Variants in NR6A1 observed in about 807,000 individuals in gnomAD.
The protein encoded by NR6A1 is retinoic acid receptor-related testis-associated receptor.
In NR6A1, 7 loss-of-function variants were observed where a neutral mutation model predicts 59.1. The observed-to-expected ratio is 0.12, with a 90% CI of 0.07 to 0.22. The LOEUF is 0.22. Ranked by LOEUF, NR6A1 falls within the 10% of genes least tolerant of loss-of-function variation. NR6A1 has a pLI of 1.00. For missense variants in NR6A1, 468 were observed against 611.6 expected, an observed-to-expected ratio of 0.77 and a Z score of 2.48; for synonymous variants, 243 against 236.1, an observed-to-expected ratio of 1.03 and a Z score of -0.27.
At chr9:124,526,723 G>GCTCA in intron 8 of NR6A1, 56 bp downstream of exon 8, 1 of 1,602,692 alleles carries the variant, frequency 6.2e-7, no homozygotes, top group Middle Eastern at 1.7e-4. Flanking sequence ...GAGGGCAAAT[G>GCTCA]CTCACTGCCT....
intron 2 of NR6A1, among the ~76,000 whole-genome samples, chr9:124,673,964 C>T (rs963607750): frequency 1.3e-5 from 2 of 152,176 alleles, no homozygotes; most frequent in Admixed American, 1.3e-4. Flanking sequence ...TAATTAAGAT[C>T]TTGGCATCTG....
At chr9:124,655,145 G>A (rs1275242289) in intron 2 of NR6A1, among the ~76,000 whole-genome samples, 1 of 152,160 alleles carries the variant, frequency 6.6e-6, no homozygotes, top group Non-Finnish European at 1.5e-5. Context: ...CATATCAGAA[G>A]GGTATAGTTC....
chr9:124,721,971 T>C (rs185547086), intron 2 of NR6A1, among the ~76,000 whole-genome samples: 25 of 152,350 alleles, frequency 1.6e-4, no homozygotes, highest in Non-Finnish European at 2.5e-4. Flanking sequence ...GGGGATTGTA[T>C]CTTTTTAAAC....
intron 2 of NR6A1, among the ~76,000 whole-genome samples, chr9:124,575,839 T>C (rs541292656): frequency 3.9e-5 from 6 of 152,324 alleles, no homozygotes; most frequent in African/African-American, 1.2e-4. Context: ...ATTATTATTA[T>C]TGATATCATA....
At chr9:124,523,515 T>C (rs1287125622) in intron 9 of NR6A1, among the ~76,000 whole-genome samples, 2 of 149,190 alleles carry the variant, frequency 1.3e-5, no homozygotes, top group African/African-American at 2.6e-5. Context: ...AACTCAAACA[T>C]TGATTTTTTT....
At chr9:124,731,024 C>CT (rs1196954783) in intron 2 of NR6A1, among the ~76,000 whole-genome samples, 7 of 152,060 alleles carry the variant, frequency 4.6e-5, no homozygotes. Flanking sequence ...GTGTAGTTGT[C>CT]TGAAAGGTTA....
At chr9:124,658,436 G>C (rs1837326708) in intron 2 of NR6A1, 1 of 152,224 alleles carries the variant, frequency 6.6e-6, no homozygotes, top group Non-Finnish European at 1.5e-5. Flanking sequence ...TGAGCAGACA[G>C]GGCTGCAAGG....
chr9:124,559,249 C>A (rs949600509), intron 2 of NR6A1, among the ~76,000 whole-genome samples: 4 of 152,142 alleles, frequency 2.6e-5, no homozygotes, highest in Non-Finnish European at 4.4e-5. Flanking sequence ...CCACAATGTT[C>A]CAAGACAAAG....
chr9:124,686,229 T>C (rs958830291), intron 2 of NR6A1, among the ~76,000 whole-genome samples: 4 of 152,154 alleles, frequency 2.6e-5, no homozygotes, highest in Admixed American at 1.3e-4. Context: ...GAGGAAGAAA[T>C]AGTCTTATAT....
intron 1 of NR6A1, among the ~76,000 whole-genome samples, chr9:124,747,763 C>T (rs1286470665): frequency 6.6e-6 from 1 of 152,128 alleles, no homozygotes; most frequent in Non-Finnish European, 1.5e-5. Context: ...CCAACAGTCC[C>T]CTCGAATAAT....
At position 124,520,853 on chromosome 9, in the gene NR6A1, T is replaced by A. The variant is rs1350625341; in HGVS notation, c.*1852A>T. The A allele has an allele frequency of 6.6e-6, 1 of 152,202 alleles. No individual in the cohort carries two copies. Among genetic ancestry groups the A allele is most frequent in the African/African-American group, 2.4e-5 (1 of 41,436 alleles). 9.4% of individuals were successfully genotyped at this position (152,202 alleles called of 1,614,324 possible). A position where few individuals can be genotyped will look rare whatever the true frequency, so the allele number is the denominator to read the frequency against. ...GCTGGAGCTTTTCCTGAGGAACATG[T>A]CTCTTCCTTCTCAGAGCAACTGGGG... On this transcript the variant is annotated 3_prime_UTR_variant, in exon 10 of 10. Transcript: ENST00000487099.
At chr9:124,633,717 C>G (rs1031002580) in intron 2 of NR6A1, among the ~76,000 whole-genome samples, 1 of 152,110 alleles carries the variant, frequency 6.6e-6, no homozygotes, top group Admixed American at 6.5e-5. Context: ...TACAAAGCTC[C>G]AATTGCCCCA....
At chr9:124,611,753 G>GAC (rs1835751834) in intron 2 of NR6A1, among the ~76,000 whole-genome samples, 2 of 93,678 alleles carry the variant, frequency 2.1e-5, no homozygotes, top group Non-Finnish European at 4.0e-5. Context: ...CTGTCTTAGA[G>GAC]AGAGAGAGAG....
Position 124,633,644 on chromosome 9 carries a change from T to C in NR6A1, c.143-79074A>G, listed in dbSNP as rs55892585. On this transcript the variant is annotated intron_variant, in intron 2 of 9. Coordinates refer to ENST00000487099, the MANE Select transcript of NR6A1 (RefSeq NM_033334.4). ...ATTCTAGGTCCTCAATGACATCCAA[T>C]TCTAAGCCCCAGGATCATCCTAAAT... Among the ~76,000 whole-genome samples, 685 of 152,268 alleles carry C rather than the reference T, an allele frequency of 4.5e-3. 3 individuals carry two copies. The highest frequency in any genetic ancestry group is 0.015 in the African/African-American group (630 of 41,568).
intron 3 of NR6A1, among the ~76,000 whole-genome samples, chr9:124,550,758 A>G (rs1315937975): frequency 6.6e-6 from 1 of 151,424 alleles, no homozygotes; most frequent in Admixed American, 6.6e-5. Context: ...CTGGTCTTGA[A>G]CTCCAGGGCT....
At chr9:124,653,293 A>G (rs1837156431) in intron 2 of NR6A1, among the ~76,000 whole-genome samples, 1 of 151,932 alleles carries the variant, frequency 6.6e-6, no homozygotes, top group Admixed American at 6.5e-5. Context: ...TTTTTTAGTA[A>G]AAAGAAGAAA....
At chr9:124,751,074 A>T (rs1311224893) in intron 1 of NR6A1, among the ~76,000 whole-genome samples, 1 of 151,988 alleles carries the variant, frequency 6.6e-6, no homozygotes, top group African/African-American at 2.4e-5. Context: ...TGTTCCTCCC[A>T]TCTGCAAAAT....
At chr9:124,571,105 T>C (rs956624076) in intron 2 of NR6A1, among the ~76,000 whole-genome samples, 3 of 152,076 alleles carry the variant, frequency 2.0e-5, no homozygotes, top group Non-Finnish European at 2.9e-5. Context: ...ATTCTGGAGA[T>C]AGATGGGGAG....
Position 124,540,198 on chromosome 9 carries a change from G to A in NR6A1, c.442-11C>T, listed in dbSNP as rs1362229669. On this transcript the variant is annotated splice_polypyrimidine_tract_variant and intron_variant, in intron 4 of 9. Coordinates refer to ENST00000487099, the MANE Select transcript of NR6A1 (RefSeq NM_033334.4). ...TTCTTCTTCCGATATCTTTGACAAG[G>A]AATTGAGACATGTTAGATGGGTGCT... is the stretch of plus-strand genomic sequence containing the variant. 1 of 1,611,452 alleles carries A rather than the reference G, an allele frequency of 6.2e-7. No individual in the cohort carries two copies. The highest frequency in any genetic ancestry group is 2.2e-5 in the East Asian group (1 of 44,838).
Sources: gnomAD v4.1 joint callset for allele counts (sites outside exome capture counted in the v4.1 genomes callset) on GRCh38, gnomAD v4.1.1 for gene constraint, MANE v1.5 for transcripts, NCBI Gene and HGNC (gene_info 2026-07-23, HGNC 2026-07-21) for gene names.